The following MUC3A variants were observed in gnomAD, a reference collection of about 807,000 sequenced individuals.
The protein encoded by MUC3A is mucin 3A, cell surface associated.
In MUC3A, 109 loss-of-function variants were observed where a neutral mutation model predicts 109.0. The ratio of observed to expected loss-of-function variants is 1.00; its 90% CI spans 0.86 to 1.17. MUC3A has a LOEUF of 1.17. Ranked by LOEUF, MUC3A falls within the 50% of genes most tolerant of loss-of-function variation. MUC3A has a pLI of 0.00. For synonymous variants in MUC3A, 1,398 were observed against 981.4 expected, an observed-to-expected ratio of 1.42 and a Z score of -7.93; for missense variants, 3,537 against 2,469.4, an observed-to-expected ratio of 1.43 and a Z score of -9.16.
Position 100,952,332 on chromosome 7 carries a change from G to A in MUC3A, c.553G>A (p.Ala185Thr). Reference sequence around the variant, plus strand: ...GACCACTACTGAGAAAGGAACGTCAGCCATGACATCTTCTCCCTCTACCAC... The same window carrying A: ...GACCACTACTGAGAAAGGAACGTCAACCATGACATCTTCTCCCTCTACCAC... ...SMTTTEKGTS[A>T]MTSSPSTTTA... The change falls in exon 2 of 12, where the codon GCC (alanine) becomes ACC (threonine). Residue 185 changes from alanine (A) to threonine (T), a missense_variant. Transcript: ENST00000379458. 1 of 1,598,522 alleles carries A rather than the reference G, an allele frequency of 6.3e-7. No homozygotes were observed. The highest frequency in any genetic ancestry group is 1.3e-5 in the African/African-American group (1 of 75,076).
chr7:100,966,213 G>T (rs980394635), intron 8 of MUC3A, 173 bp from the exon 9 acceptor site: 50 of 427,274 alleles, frequency 1.2e-4, no homozygotes, highest in Non-Finnish European at 1.4e-4. Context: ...CTCACCTAGG[G>T]TAGAGCCCCG....
In MUC3A at chr7:100,961,034, C is replaced by T. The variant is rs1423630512; in HGVS notation, c.9052+97C>T. Reference sequence around the variant, plus strand: ...TCTGTGGGGCCTGGAGGCACCCATGCCTTTTTGCCCGGTCCTTCCCTCCCT... The same window carrying T: ...TCTGTGGGGCCTGGAGGCACCCATGTCTTTTTGCCCGGTCCTTCCCTCCCT... On this transcript the variant is annotated intron_variant, in intron 3 of 11. Coordinates refer to ENST00000379458, the MANE Select transcript of MUC3A (RefSeq NM_005960.2). 1.1e-5 allele frequency: 17 copies of T among 1,577,302 alleles called. No homozygotes were observed. The South Asian group carries it at 1.7e-4, about 16-fold the overall frequency.
At chr7:100,962,981 G>T (rs7459259) in intron 3 of MUC3A, among the ~76,000 whole-genome samples, 170 bp from the exon 4 acceptor site, 1 of 152,222 alleles carries the variant, frequency 6.6e-6, no homozygotes, top group African/African-American at 2.4e-5. Flanking sequence ...TCAGCCTCCT[G>T]AGGCATAATG....
chr7:100,959,663 G>A lies in MUC3A; in HGVS notation c.7884G>A (p.Gln2628=), dbSNP rs759829622. Residue 2628 remains glutamine (Q), a synonymous_variant, in exon 2 of 12, where the codon CAG becomes CAA. Transcript: ENST00000379458. The part of the protein sequence containing the change: ...TALSTIVSTS[Q]VPIPSTHSST... ...TGAGCACGATCGTGTCAACATCACAGGTTCCTATTCCTAGCACACATTCCT... is the reference window on the plus strand; with the variant it reads ...TGAGCACGATCGTGTCAACATCACAAGTTCCTATTCCTAGCACACATTCCT... 3.8e-6 allele frequency: 6 copies of A among 1,598,540 alleles called. No individual in the cohort carries two copies. The highest frequency in any genetic ancestry group is 4.2e-6 in the Non-Finnish European group (5 of 1,179,804).
chr7:100,964,753 C>A lies in MUC3A; in HGVS notation c.9292C>A (p.Leu3098Met). Reference protein sequence around the residue: ...VLLEMPFSPQLESEYEQVKTT... With the variant: ...VLLEMPFSPQMESEYEQVKTT... ...GCTGGAGATGCCCTTCAGCCCCCAG[C>A]TGGAGAGCGAGTATGAGCAGGTGAA... Residue 3098 changes from leucine to methionine, a missense_variant, in exon 6 of 12, where the codon CTG becomes ATG. Physicochemically the swap from Leu to Met is conservative, Grantham distance 15. Coordinates refer to ENST00000379458, the MANE Select transcript of MUC3A (RefSeq NM_005960.2). 1 of 1,598,518 alleles carries A rather than the reference C, an allele frequency of 6.3e-7. No individual in the cohort carries two copies. The highest frequency in any genetic ancestry group is 8.5e-7 in the Non-Finnish European group (1 of 1,179,802).
rs1792143056 is a variant in MUC3A, at chr7:100,957,835, C to T, written c.6056C>T (p.Thr2019Ile). 3.0e-6 allele frequency: 2 copies of T among 669,356 alleles called. No homozygotes were observed. The highest frequency in any genetic ancestry group is 4.6e-5 in the Admixed American group (2 of 43,048). The allele number at this position is 669,356 out of a possible 1,614,324, so 41.5% of individuals were successfully genotyped here. The change falls in exon 2 of 12, where the codon ACA (threonine) becomes ATA (isoleucine). Residue 2019 changes from threonine to isoleucine, a missense_variant. Physicochemically the swap from Thr to Ile is moderately conservative, Grantham distance 89 (BLOSUM62 -1). Transcript: ENST00000379458. ...TCTTCCATCACCACCACTGAGACCA[C>T]ATCCCACAATACTCCCAGCTTGACT... is the stretch of plus-strand genomic sequence containing the variant. ...FTSSITTTET[T>I]SHNTPSLTSS...
chr7:100,966,921 G>A lies in MUC3A; in HGVS notation c.9900G>A (p.Val3300=), dbSNP rs1353569701. ...TAGACAAGGATACAAATTTCTATGTGGCCTTGGAGAACGTGGACACCACTA... is the reference window on the plus strand; with the variant it reads ...TAGACAAGGATACAAATTTCTATGTAGCCTTGGAGAACGTGGACACCACTA... The part of the protein sequence containing the change: ...DGTDKDTNFY[V]ALENVDTTMK... Residue 3300 remains valine (V), a synonymous_variant, in exon 11 of 12, where the codon GTG becomes GTA. Coordinates refer to ENST00000379458, the MANE Select transcript of MUC3A (RefSeq NM_005960.2). The A allele has an allele frequency of 6.3e-7, 1 of 1,598,544 alleles. No homozygotes were observed. The highest frequency in any genetic ancestry group is 1.1e-5 in the South Asian group (1 of 91,092).
intron 6 of MUC3A, 163 bp from the exon 7 acceptor site, chr7:100,965,114 GGCAAC>G: frequency 8.2e-6 from 9 of 1,098,242 alleles, no homozygotes; most frequent in Non-Finnish European, 1.2e-5. Context: ...AGATGAGGCA[GGCAAC>G]AGGAGTCTTC....
At chr7:100,960,968 T>TC (rs771497390) in intron 3 of MUC3A, 31 bp downstream of exon 3, 30 of 1,598,300 alleles carry the variant, frequency 1.9e-5, no homozygotes, top group Non-Finnish European at 2.5e-5. Context: ...CTTCTGCACT[T>TC]CCTCCCACAG....
At chr7:100,967,020 C>G in intron 11 of MUC3A, 69 bp downstream of exon 11, 1 of 1,598,494 alleles carries the variant, frequency 6.3e-7, no homozygotes, top group African/African-American at 1.3e-5. Flanking sequence ...TCCCCGACCC[C>G]CACCAGGGCA....
Position 100,961,201 on chromosome 7 carries a change from C to T in MUC3A, c.9052+264C>T, listed in dbSNP as rs764584001. Among the ~76,000 whole-genome samples the T allele has an allele frequency of 4.6e-5, 7 of 152,422 alleles. No homozygotes were observed. In the East Asian group the frequency reaches 7.7e-4, roughly 17 times the overall value. Reference sequence around the variant, plus strand: ...AGCTGTATCAGTTTCCAACTGCTGCCGGGCCAACAAACACAAATCTGGCTG... The same window carrying T: ...AGCTGTATCAGTTTCCAACTGCTGCTGGGCCAACAAACACAAATCTGGCTG... On this transcript the variant is annotated intron_variant, in intron 3 of 11. Coordinates refer to ENST00000379458, the MANE Select transcript of MUC3A (RefSeq NM_005960.2).
chr7:100,964,302 A>ATAATAC, intron 5 of MUC3A: 2 of 174,516 alleles, frequency 1.1e-5, no homozygotes, highest in Non-Finnish European at 2.4e-5. Flanking sequence ...AATAATAATA[A>ATAATAC]TAAAATGATT....
rs112809460 is a variant in MUC3A, at chr7:100,967,146, C to T, written c.9956C>T (p.Thr3319Ile). 18 of 1,597,066 alleles carry T rather than the reference C, an allele frequency of 1.1e-5. No homozygotes were observed. The highest frequency in any genetic ancestry group is 1.5e-5 in the Non-Finnish European group (18 of 1,179,814). The change falls in exon 12 of 12, where the codon ACC (threonine) becomes ATC (isoleucine). Residue 3319 changes from threonine to isoleucine, a missense_variant. Transcript: ENST00000379458. ...MKVHIKRPEM[T>I]SSSV ...GTGCACATCAAGAGACCCGAGATGA[C>T]CTCGTCCTCAGTGTGAGCCCTGCGG... is the stretch of plus-strand genomic sequence containing the variant.
chr7:100,957,182 G>C lies in MUC3A; in HGVS notation c.5403G>C (p.Thr1801=), dbSNP rs1176758598. The part of the protein sequence containing the change: ...PSFTSSVSSS[T]PVPSTEAITS... ...TTACCAGTAGCGTTTCATCTTCTAC[G>C]CCTGTCCCAAGTACAGAAGCGATCA... Residue 1801 remains threonine, a synonymous_variant, in exon 2 of 12, where the codon ACG becomes ACC. Coordinates refer to ENST00000379458, the MANE Select transcript of MUC3A (RefSeq NM_005960.2). 1.5e-5 allele frequency: 7 copies of C among 455,676 alleles called. No individual in the cohort carries two copies. Among genetic ancestry groups the C allele is most frequent in the Non-Finnish European group, 2.7e-5 (7 of 261,668 alleles). The allele number at this position is 455,676 out of a possible 1,614,324, so 28.2% of individuals were successfully genotyped here. A position where few individuals can be genotyped will look rare whatever the true frequency, so the allele number is the denominator to read the frequency against.
chr7:100,966,149 C>A, intron 8 of MUC3A: 1 of 516,578 alleles, frequency 1.9e-6, no homozygotes, highest in Non-Finnish European at 3.1e-6. Flanking sequence ...GAACCCCGCC[C>A]CCTCCTTCTA....
At position 100,960,600 on chromosome 7, in the gene MUC3A, A is replaced by T; in HGVS notation, c.8821A>T (p.Ile2941Phe). The part of the protein sequence containing the change: ...TTLTSRRTTR[I>F]TSQMTTQSTL... ...CCTTACATCACGCAGGACAACTCGC[A>T]TCACTTCTCAGATGACCACACAGTC... is the stretch of plus-strand genomic sequence containing the variant. Residue 2941 changes from isoleucine (I) to phenylalanine (F), a missense_variant, in exon 2 of 12, where the codon ATC (isoleucine) becomes TTC (phenylalanine). By Grantham distance (21) the Ile-to-Phe change is conservative. Coordinates refer to ENST00000379458, the MANE Select transcript of MUC3A (RefSeq NM_005960.2). 6.3e-7 allele frequency: 1 copy of T among 1,598,672 alleles called. No homozygotes were observed. The highest frequency in any genetic ancestry group is 8.5e-7 in the Non-Finnish European group (1 of 1,179,772).
In MUC3A at chr7:100,967,237, G is replaced by A; in HGVS notation, c.*75G>A. The A allele has an allele frequency of 6.3e-7, 1 of 1,586,802 alleles. No homozygotes were observed. Among genetic ancestry groups the A allele is most frequent in the South Asian group, 1.1e-5 (1 of 89,910 alleles). On this transcript the variant is annotated 3_prime_UTR_variant, in exon 12 of 12. Coordinates refer to ENST00000379458, the MANE Select transcript of MUC3A (RefSeq NM_005960.2). ...GGTCTGCATTGCGTCCATTTCAAGA[G>A]GTGGCCCCAGGACGCGGGCAGCCCA...
chr7:100,960,320 C>G lies in MUC3A; in HGVS notation c.8541C>G (p.Ser2847=). 1 of 1,598,552 alleles carries G rather than the reference C, an allele frequency of 6.3e-7. No individual in the cohort carries two copies. Among genetic ancestry groups the G allele is most frequent in the Non-Finnish European group, 8.5e-7 (1 of 1,179,830 alleles). ...ESESSISPNA[S]SSTGTGTVPT... The stretch of plus-strand genomic sequence containing the variant: ...AGTCCAGCATCTCACCCAATGCTTC[C>G]AGTTCCACTGGCACTGGGACTGTAC... The change falls in exon 2 of 12, where the codon TCC becomes TCG. Residue 2847 remains serine, a synonymous_variant. Transcript: ENST00000379458.
chr7:100,963,555 G>A (rs1792414704), intron 4 of MUC3A, 133 bp from the exon 5 acceptor site: 1 of 1,382,372 alleles, frequency 7.2e-7, no homozygotes, highest in East Asian at 2.4e-5. Context: ...AAAGTGTTGG[G>A]ATTACAGGCG....
Sources: gnomAD v4.1 joint callset for allele counts (sites outside exome capture counted in the v4.1 genomes callset) on GRCh38, gnomAD v4.1.1 for gene constraint, MANE v1.5 for transcripts, NCBI Gene and HGNC (gene_info 2026-07-23, HGNC 2026-07-21) for gene names.